TMEM132D: variants seen among roughly 807,000 people sequenced by gnomAD.
TMEM132D encodes the protein transmembrane protein 132D, also known as mature OL transmembrane protein.
A neutral mutation model predicts 62.3 loss-of-function variants in TMEM132D; 21 were observed. The ratio of observed to expected loss-of-function variants is 0.34; its 90% CI spans 0.24 to 0.49. The LOEUF is 0.49. Ranked by LOEUF, TMEM132D falls within the 20% of genes least tolerant of loss-of-function variation. The pLI is 0.99. For missense variants in TMEM132D, 1,346 were observed against 1,402.8 expected (o/e 0.96, Z 0.65); for synonymous variants, 621 against 575.6 (o/e 1.08, Z -1.13).
intron 1 of TMEM132D, among the ~76,000 whole-genome samples, chr12:129,823,487 G>T (rs146046235): frequency 6.6e-6 from 1 of 152,194 alleles, no homozygotes; most frequent in African/African-American, 2.4e-5. Flanking sequence ...CCACATTTCC[G>T]TGGACCAGCC....
At position 129,565,163 on chromosome 12, in the gene TMEM132D, A is replaced by C. The variant is rs1161894754; in HGVS notation, c.969-33958T>G. Among the ~76,000 whole-genome samples the C allele has an allele frequency of 3.9e-5, 6 of 152,308 alleles. 1 individual carries two copies. Among genetic ancestry groups the C allele is most frequent in the African/African-American group, 1.4e-4 (6 of 41,564 alleles). On this transcript the variant is annotated intron_variant, in intron 2 of 8. Transcript: ENST00000422113. Reference sequence around the variant, plus strand: ...TCCTGGGGTGGCAGCAAGGAGCAACACTGCCATCAGATGAGATTCATATTG... The same window carrying C: ...TCCTGGGGTGGCAGCAAGGAGCAACCCTGCCATCAGATGAGATTCATATTG...
chr12:129,486,385 G>A (rs953393670), intron 3 of TMEM132D, among the ~76,000 whole-genome samples: 63 of 152,052 alleles, frequency 4.1e-4, no homozygotes, highest in African/African-American at 1.4e-3. Context: ...GCAGAGACCC[G>A]GTTATGTACT....
At chr12:129,881,782 A>G (rs1481632118) in intron 1 of TMEM132D, among the ~76,000 whole-genome samples, 1 of 152,048 alleles carries the variant, frequency 6.6e-6, no homozygotes, top group African/African-American at 2.4e-5. Context: ...AAATAGTATT[A>G]GAGCAGAAAT....
chr12:129,461,679 G>T (rs1593020089), intron 3 of TMEM132D, among the ~76,000 whole-genome samples: 1 of 130,988 alleles, frequency 7.6e-6, no homozygotes, highest in South Asian at 2.8e-4. Flanking sequence ...GGAACCAAGT[G>T]ATAGGTGATT....
chr12:129,135,663 T>TC (rs2135527451), intron 5 of TMEM132D, among the ~76,000 whole-genome samples: 1 of 151,988 alleles, frequency 6.6e-6, no homozygotes, highest in South Asian at 2.1e-4. Flanking sequence ...AGTTTTTTTT[T>TC]GCTCCACAGT....
chr12:129,281,571 T>A (rs1881153498), intron 4 of TMEM132D, among the ~76,000 whole-genome samples: 1 of 152,300 alleles, frequency 6.6e-6, no homozygotes, highest in East Asian at 1.9e-4. Context: ...TGGCATAATA[T>A]GGTTAATCTA....
intron 3 of TMEM132D, among the ~76,000 whole-genome samples, chr12:129,404,870 G>A (rs1871733447): frequency 6.6e-6 from 1 of 152,214 alleles, no homozygotes; most frequent in East Asian, 1.9e-4. Context: ...GGTTTGCAGG[G>A]ACACAGATCC....
At chr12:129,256,808 G>T (rs537229256) in intron 4 of TMEM132D, among the ~76,000 whole-genome samples, 1 of 152,292 alleles carries the variant, frequency 6.6e-6, no homozygotes, top group African/African-American at 2.4e-5. Context: ...TGATCCACCC[G>T]CTTTGACCTC....
At chr12:129,769,318 C>T (rs1283979990) in intron 1 of TMEM132D, among the ~76,000 whole-genome samples, 2 of 152,250 alleles carry the variant, frequency 1.3e-5, no homozygotes, top group East Asian at 3.9e-4. Context: ...TCATGTCTTA[C>T]ATGGCAGCAG....
At chr12:129,477,670 A>T (rs1245961624) in intron 3 of TMEM132D, among the ~76,000 whole-genome samples, 1 of 152,068 alleles carries the variant, frequency 6.6e-6, no homozygotes, top group African/African-American at 2.4e-5. Context: ...AATACAAAGA[A>T]ATTAGCTGGG....
At chr12:129,330,473 G>T (rs911342682) in intron 4 of TMEM132D, among the ~76,000 whole-genome samples, 1 of 152,116 alleles carries the variant, frequency 6.6e-6, no homozygotes, top group South Asian at 2.1e-4. Context: ...GGCCGTGAGG[G>T]CCCTACACTC....
chr12:129,502,825 T>C (rs1875194837), intron 3 of TMEM132D, among the ~76,000 whole-genome samples: 1 of 152,206 alleles, frequency 6.6e-6, no homozygotes, highest in South Asian at 2.1e-4. Context: ...ATTTGGATCA[T>C]GCCACTCCCT....
At chr12:129,868,864 T>A (rs1047787592) in intron 1 of TMEM132D, among the ~76,000 whole-genome samples, 1 of 151,990 alleles carries the variant, frequency 6.6e-6, no homozygotes. Context: ...CATCTGGCAA[T>A]CACCAGGCAG....
At chr12:129,884,013 T>C (rs1874682020) in intron 1 of TMEM132D, among the ~76,000 whole-genome samples, 2 of 152,138 alleles carry the variant, frequency 1.3e-5, no homozygotes, top group Admixed American at 6.5e-5. Context: ...CTCACTGCAA[T>C]CTCAACCTCC....
intron 1 of TMEM132D, among the ~76,000 whole-genome samples, chr12:129,771,020 C>T (rs1431099535): frequency 6.6e-6 from 1 of 152,192 alleles, no homozygotes. Context: ...GACATGACCC[C>T]TTCTTGCCTT....
intron 3 of TMEM132D, 69 bp downstream of exon 3, chr12:129,530,990 G>A (rs1213012589): frequency 1.8e-5 from 23 of 1,268,374 alleles, no homozygotes; most frequent in African/African-American, 1.1e-4. Flanking sequence ...AGCAATCTAG[G>A]AAAAAAAAAA....
intron 2 of TMEM132D, among the ~76,000 whole-genome samples, chr12:129,633,840 G>A (rs1393513979): frequency 6.6e-6 from 1 of 152,150 alleles, no homozygotes; most frequent in Admixed American, 6.5e-5. Flanking sequence ...AAACACAGTG[G>A]ATTTGGAGCC....
intron 3 of TMEM132D, among the ~76,000 whole-genome samples, chr12:129,500,844 C>T (rs1875117824): frequency 6.6e-6 from 1 of 152,204 alleles, no homozygotes; most frequent in South Asian, 2.1e-4. Context: ...CCGATGACCC[C>T]AGTCCTTTGT....
chr12:129,676,504 T>C (rs1216430528), intron 2 of TMEM132D, among the ~76,000 whole-genome samples: 1 of 152,204 alleles, frequency 6.6e-6, no homozygotes, highest in African/African-American at 2.4e-5. Context: ...GGTACCAGCA[T>C]CGGCTTGGCT....
Sources: gnomAD v4.1 joint callset for allele counts (sites outside exome capture counted in the v4.1 genomes callset) on GRCh38, gnomAD v4.1.1 for gene constraint, MANE v1.5 for transcripts, NCBI Gene and HGNC (gene_info 2026-07-23, HGNC 2026-07-21) for gene names.